RBMS3: variants seen among roughly 807,000 people sequenced by gnomAD.
The protein encoded by RBMS3 is RNA-binding motif, single-stranded-interacting protein 3.
In RBMS3, 27 loss-of-function variants were observed where a neutral mutation model predicts 66.8. The observed-to-expected ratio is 0.40, with a 90% CI of 0.30 to 0.56. RBMS3 has a LOEUF of 0.56. RBMS3 is among the 20% of genes least tolerant of loss of function. The pLI is 0.40. For missense variants in RBMS3, 513 were observed against 549.5 expected (o/e 0.93, Z 0.66); for synonymous variants, 188 against 183.0 (o/e 1.03, Z -0.22).
intron 2 of RBMS3, among the ~76,000 whole-genome samples, chr3:29,447,479 A>C (rs1006434593): frequency 2.0e-5 from 3 of 152,126 alleles, no homozygotes; most frequent in Non-Finnish European, 4.4e-5. Flanking sequence ...CAAACCTATC[A>C]ATTTTTAGCT....
chr3:29,934,748 T>A (rs2061221454), intron 10 of RBMS3, among the ~76,000 whole-genome samples: 1 of 152,118 alleles, frequency 6.6e-6, no homozygotes, highest in Non-Finnish European at 1.5e-5. Context: ...GCCCTGTATA[T>A]CAAGCATTTC....
At chr3:29,626,596 T>C (rs2049068947) in intron 4 of RBMS3, among the ~76,000 whole-genome samples, 2 of 152,166 alleles carry the variant, frequency 1.3e-5, no homozygotes, top group Admixed American at 1.3e-4. Context: ...TTTGCTACCA[T>C]TTTTGTTTGG....
At chr3:29,528,108 ATTTTTTTT>A (rs66534941) in intron 3 of RBMS3, among the ~76,000 whole-genome samples, 214 of 108,164 alleles carry the variant, frequency 2.0e-3, no homozygotes, top group African/African-American at 7.6e-3. Flanking sequence ...TGCAAGCAAG[ATTTTTTTT>A]TTTTTTTTTT....
At chr3:29,430,798 G>T (rs559135450) in intron 1 of RBMS3, among the ~76,000 whole-genome samples, 10 of 75,536 alleles carry the variant, frequency 1.3e-4, no homozygotes, top group African/African-American at 4.7e-4. Flanking sequence ...TCTCATTTTT[G>T]AAAAAGCCTG....
chr3:29,367,492 A>G (rs1020102946), intron 1 of RBMS3, among the ~76,000 whole-genome samples: 1 of 152,142 alleles, frequency 6.6e-6, no homozygotes, highest in Non-Finnish European at 1.5e-5. Context: ...AGATGTTTTT[A>G]ATACAACTCT....
chr3:29,438,042 C>G (rs1218729887), intron 2 of RBMS3, among the ~76,000 whole-genome samples: 1 of 151,736 alleles, frequency 6.6e-6, no homozygotes, highest in Non-Finnish European at 1.5e-5. Context: ...CTCTCTCTCT[C>G]TCTCTCTCTC....
chr3:29,974,565 A>G (rs1204803175), intron 12 of RBMS3, among the ~76,000 whole-genome samples: 1 of 151,828 alleles, frequency 6.6e-6, no homozygotes, highest in Non-Finnish European at 1.5e-5. Context: ...AAAGGGTCTT[A>G]TCACAGAAAC....
Position 29,445,250 on chromosome 3 carries a change from A to G in RBMS3, c.248+10335A>G, listed in dbSNP as rs537662497. Reference sequence around the variant, plus strand: ...CATTTTATCTTAGATGCTACATCCAATGTTGTGCCACTGAGGTGAAAGAAG... The same window carrying G: ...CATTTTATCTTAGATGCTACATCCAGTGTTGTGCCACTGAGGTGAAAGAAG... On this transcript the variant is annotated intron_variant, in intron 2 of 14. Transcript: ENST00000383767. 1.5e-3 allele frequency among the ~76,000 whole-genome samples: 223 copies of G among 152,174 alleles called. 2 individuals are homozygous for G. The highest frequency in any genetic ancestry group is 5.1e-3 in the African/African-American group (213 of 41,554).
chr3:29,541,609 G>T (rs2045763313), intron 3 of RBMS3, among the ~76,000 whole-genome samples: 1 of 152,120 alleles, frequency 6.6e-6, no homozygotes, highest in Non-Finnish European at 1.5e-5. Flanking sequence ...ATTGGTGTCT[G>T]GCTTCATCCC....
intron 1 of RBMS3, among the ~76,000 whole-genome samples, chr3:29,352,503 T>C (rs9824546): frequency 1.8e-3 from 272 of 152,230 alleles, no homozygotes; most frequent in African/African-American, 6.3e-3. Flanking sequence ...ACATGTGATA[T>C]TTTGTTACAT....
rs546318194 is a variant in RBMS3, at chr3:30,007,500, C to T, written c.*3638C>T. ...AGAGAAACACTGTCTCGTCTAAACT[C>T]TAGTTTCATGGTCAGTGCAACAGTG... On this transcript the variant is annotated 3_prime_UTR_variant, in exon 15 of 15. Coordinates refer to ENST00000383767, the MANE Select transcript of RBMS3 (RefSeq NM_001003793.3). 4 of 152,010 alleles carry T rather than the reference C, an allele frequency of 2.6e-5. No homozygotes were observed. The highest frequency in any genetic ancestry group is 5.9e-5 in the Non-Finnish European group (4 of 67,968). 9.4% of individuals were successfully genotyped at this position (152,010 alleles called of 1,614,324 possible).
chr3:29,497,420 G>T (rs1004262154), intron 3 of RBMS3, among the ~76,000 whole-genome samples: 12 of 152,178 alleles, frequency 7.9e-5, no homozygotes, highest in African/African-American at 2.9e-4. Flanking sequence ...ACTAATCCAT[G>T]TTATCTGACT....
At chr3:29,285,558 C>T (rs1414787283) in intron 1 of RBMS3, among the ~76,000 whole-genome samples, 3 of 152,086 alleles carry the variant, frequency 2.0e-5, no homozygotes, top group East Asian at 3.9e-4. Context: ...TTACTGCATT[C>T]CCTTCTGGTT....
intron 3 of RBMS3, among the ~76,000 whole-genome samples, chr3:29,531,395 T>C (rs1465247216): frequency 6.6e-6 from 1 of 152,222 alleles, no homozygotes; most frequent in Non-Finnish European, 1.5e-5. Context: ...ATTGTTTTCA[T>C]TTCTGTTTAT....
intron 4 of RBMS3, among the ~76,000 whole-genome samples, chr3:29,621,012 G>A (rs1559514757): frequency 6.6e-6 from 1 of 152,012 alleles, no homozygotes; most frequent in Non-Finnish European, 1.5e-5. Context: ...TAAATGAAGT[G>A]CTCTATTCCA....
intron 1 of RBMS3, among the ~76,000 whole-genome samples, chr3:29,307,591 G>A (rs1007388605): frequency 6.6e-6 from 1 of 151,894 alleles, no homozygotes; most frequent in Non-Finnish European, 1.5e-5. Flanking sequence ...GTTGTTCAGT[G>A]CAAGGTGAAA....
chr3:29,572,813 C>T (rs2046991232), intron 3 of RBMS3, among the ~76,000 whole-genome samples: 1 of 152,152 alleles, frequency 6.6e-6, no homozygotes, highest in Non-Finnish European at 1.5e-5. Flanking sequence ...TCCTCCTCCC[C>T]TATTTTTCAG....
At chr3:29,360,654 G>A (rs1439800093) in intron 1 of RBMS3, among the ~76,000 whole-genome samples, 2 of 151,998 alleles carry the variant, frequency 1.3e-5, no homozygotes, top group East Asian at 3.8e-4. Flanking sequence ...GAGTGTTAAA[G>A]TCTGCCATTA....
At chr3:29,804,089 A>C (rs1049269653) in intron 6 of RBMS3, among the ~76,000 whole-genome samples, 7 of 152,116 alleles carry the variant, frequency 4.6e-5, no homozygotes. Context: ...ACCAGGTTTC[A>C]TGTAAATCAC....
Sources: gnomAD v4.1 joint callset for allele counts (sites outside exome capture counted in the v4.1 genomes callset) on GRCh38, gnomAD v4.1.1 for gene constraint, MANE v1.5 for transcripts, NCBI Gene and HGNC (gene_info 2026-07-23, HGNC 2026-07-21) for gene names.